The following FBXW7 variants were observed in gnomAD, a reference collection of about 807,000 sequenced individuals.
The protein encoded by FBXW7 is F-box/WD repeat-containing protein 7.
A neutral mutation model predicts 86.3 loss-of-function variants in FBXW7; 11 were observed. The ratio of observed to expected loss-of-function variants is 0.13; its 90% CI spans 0.08 to 0.21. The LOEUF (loss-of-function observed/expected upper bound fraction) is 0.21, where lower values mean the gene tolerates loss of function less well. Among genes scored for constraint, FBXW7 ranks in the 10% least tolerant of loss-of-function variants. FBXW7 has a pLI of 1.00. For synonymous variants in FBXW7, 313 were observed against 297.9 expected, an observed-to-expected ratio of 1.05 and a Z score of -0.52; for missense variants, 488 against 847.4, an observed-to-expected ratio of 0.58 and a Z score of 5.27.
rs1190383684 is a variant in FBXW7 at position 152,320,645 on chromosome 4, T to C, written c.*2236A>G. On this transcript the variant is annotated 3_prime_UTR_variant, in exon 14 of 14. Coordinates refer to ENST00000281708, the MANE Select transcript of FBXW7 (RefSeq NM_001349798.2). ...AAACGGCTACAGAACAGTCAGAAAG[T>C]ACCAGAAAAATGGCTTATTTCCCTC... The C allele has an allele frequency of 2.0e-5, 3 of 152,116 alleles. No homozygotes were observed. Among genetic ancestry groups the C allele is most frequent in the African/African-American group, 4.8e-5 (2 of 41,438 alleles). The allele number at this position is 152,116 out of a possible 1,614,324, so 9.4% of individuals were successfully genotyped here.
At chr4:152,455,523 CTG>C (rs753827925) in intron 2 of FBXW7, among the ~76,000 whole-genome samples, 6 of 152,208 alleles carry the variant, frequency 3.9e-5, no homozygotes, top group Non-Finnish European at 7.3e-5. Flanking sequence ...CCTTTAACAT[CTG>C]TATTTCTACC....
At chr4:152,524,711 C>G (rs1749341305) in intron 2 of FBXW7, among the ~76,000 whole-genome samples, 1 of 152,038 alleles carries the variant, frequency 6.6e-6, no homozygotes, top group Non-Finnish European at 1.5e-5. Flanking sequence ...CTCTCCCCAC[C>G]TCTGTACAAC....
chr4:152,482,364 A>T (rs977231678), intron 2 of FBXW7, among the ~76,000 whole-genome samples: 3 of 152,182 alleles, frequency 2.0e-5, no homozygotes, highest in African/African-American at 7.2e-5. Context: ...AATGTGTGTG[A>T]CTCACTTTAT....
At chr4:152,510,994 A>G (rs1330705811) in intron 2 of FBXW7, among the ~76,000 whole-genome samples, 13 of 151,688 alleles carry the variant, frequency 8.6e-5, no homozygotes, top group Admixed American at 7.9e-4. Flanking sequence ...CCCAGGCTAG[A>G]GTGCAGTGAT....
At chr4:152,492,569 G>C (rs1282333925) in intron 2 of FBXW7, among the ~76,000 whole-genome samples, 2 of 152,106 alleles carry the variant, frequency 1.3e-5, no homozygotes. Flanking sequence ...ACCCCTTCTA[G>C]TTGGTTTTAG....
intron 4 of FBXW7, among the ~76,000 whole-genome samples, chr4:152,367,512 C>T (rs115695412): frequency 0.034 from 5,135 of 152,028 alleles, 113 homozygotes; most frequent in Non-Finnish European, 0.052. Context: ...TAAGATCCCA[C>T]TAAAATACTC....
intron 2 of FBXW7, among the ~76,000 whole-genome samples, chr4:152,422,012 A>C (rs982619979): frequency 2.6e-5 from 4 of 152,172 alleles, no homozygotes; most frequent in African/African-American, 9.7e-5. Flanking sequence ...ACACAGAGAC[A>C]CACAGTGAGC....
intron 4 of FBXW7, among the ~76,000 whole-genome samples, chr4:152,398,672 T>C (rs1736639137): frequency 6.6e-6 from 1 of 152,070 alleles, no homozygotes; most frequent in African/African-American, 2.4e-5. Flanking sequence ...AACCATATTT[T>C]CTTTTCTCTG....
At chr4:152,356,283 T>C (rs1000891925) in intron 4 of FBXW7, among the ~76,000 whole-genome samples, 1 of 152,132 alleles carries the variant, frequency 6.6e-6, no homozygotes, top group African/African-American at 2.4e-5. Context: ...GAATTGGCCA[T>C]ACAAGCAAAT....
intron 2 of FBXW7, among the ~76,000 whole-genome samples, chr4:152,415,356 T>G (rs1428433714): frequency 6.6e-6 from 1 of 152,174 alleles, no homozygotes; most frequent in African/African-American, 2.4e-5. Flanking sequence ...CCATTAGGCT[T>G]GAGCTACAAA....
At chr4:152,371,075 G>C (rs970037244) in intron 4 of FBXW7, among the ~76,000 whole-genome samples, 2 of 151,888 alleles carry the variant, frequency 1.3e-5, no homozygotes, top group African/African-American at 4.8e-5. Flanking sequence ...CTAACATTTA[G>C]AATGTCATCA....
chr4:152,355,720 C>T (rs1410055091), intron 4 of FBXW7, among the ~76,000 whole-genome samples: 1 of 152,066 alleles, frequency 6.6e-6, no homozygotes, highest in African/African-American at 2.4e-5. Context: ...CTAACTCAGA[C>T]CCAATGCTCA....
At position 152,535,799 on chromosome 4, in the gene FBXW7, A is replaced by C. The variant is rs548066579; in HGVS notation, c.-885T>G. 3 of 390,786 alleles carry C rather than the reference A, an allele frequency of 7.7e-6. No individual in the cohort carries two copies. The highest frequency in any genetic ancestry group is 4.5e-5 in the Admixed American group (1 of 22,240). 24.2% of individuals were successfully genotyped at this position (390,786 alleles called of 1,614,324 possible). ...GTGGTAGCCGCCTCCCTGCCCCCCA[A>C]GCCGCCGGCTCCGGCTCAGGCTCGG... On this transcript the variant is annotated 5_prime_UTR_variant, in exon 1 of 14. Transcript: ENST00000281708.
intron 6 of FBXW7, among the ~76,000 whole-genome samples, chr4:152,340,575 CAAAAAAAAAAAA>C (rs556530800): frequency 6.3e-5 from 2 of 31,908 alleles, no homozygotes; most frequent in East Asian, 9.0e-4. Context: ...AACTCCATCT[CAAAAAAAAAAAA>C]AAAAAAAAAA....
chr4:152,470,749 C>G (rs76841735), intron 2 of FBXW7, among the ~76,000 whole-genome samples: 3 of 152,026 alleles, frequency 2.0e-5, no homozygotes, highest in Non-Finnish European at 4.4e-5. Flanking sequence ...TTCTTGTCTG[C>G]CAGGCAATTT....
intron 2 of FBXW7, among the ~76,000 whole-genome samples, chr4:152,491,502 A>C (rs1038443101): frequency 7.9e-5 from 12 of 152,156 alleles, no homozygotes; most frequent in Non-Finnish European, 1.6e-4. Flanking sequence ...GAATCAGAAA[A>C]GGCTTTCCCC....
intron 2 of FBXW7, among the ~76,000 whole-genome samples, chr4:152,528,809 C>T (rs1482482934): frequency 6.6e-6 from 1 of 152,062 alleles, no homozygotes; most frequent in African/African-American, 2.4e-5. Flanking sequence ...TACATTAAGA[C>T]ATAAAACAGG....
chr4:152,465,997 T>G (rs1446398428), intron 2 of FBXW7, among the ~76,000 whole-genome samples: 1 of 152,176 alleles, frequency 6.6e-6, no homozygotes, highest in Non-Finnish European at 1.5e-5. Flanking sequence ...TATTTGAAGT[T>G]GACAAAGAAT....
At chr4:152,494,642 A>C (rs1242087049) in intron 2 of FBXW7, among the ~76,000 whole-genome samples, 1 of 152,180 alleles carries the variant, frequency 6.6e-6, no homozygotes, top group Non-Finnish European at 1.5e-5. Flanking sequence ...CAGGGAAATA[A>C]GACCAGGATA....
Sources: allele counts gnomAD v4.1 joint callset (sites outside exome capture counted in the v4.1 genomes callset), GRCh38; gene constraint gnomAD v4.1.1; transcripts MANE v1.5; gene names NCBI Gene and HGNC (gene_info 2026-07-23, HGNC 2026-07-21).